Variants in KLF8 observed in about 807,000 individuals in gnomAD.
KLF8 encodes the protein KLF transcription factor 8.
KLF8 carries 10 observed loss-of-function variants against 18.2 expected under a neutral mutation model. That is an observed-to-expected ratio of 0.55 (90% CI 0.34 to 0.93). KLF8 has a LOEUF of 0.93. Among genes scored for constraint, KLF8 ranks in the 40% least tolerant of loss-of-function variants. The pLI is 0.02. For missense variants in KLF8, 264 were observed against 277.9 expected (o/e 0.95, Z 0.36); for synonymous variants, 109 against 97.3 (o/e 1.12, Z -0.71).
At chrX:55,975,656 C>A in the KLF8 span, among the ~76,000 whole-genome samples, 3 of 110,681 alleles carry the variant, frequency 2.7e-5, no homozygotes, top group Admixed American at 1.9e-4. Context: ...ATTTTAAAAC[C>A]GTTATTACCT....
chrX:56,017,781 C>A, the KLF8 span, among the ~76,000 whole-genome samples: 1 of 111,737 alleles, frequency 8.9e-6, no homozygotes, highest in East Asian at 2.8e-4. Flanking sequence ...GACATAAAGC[C>A]AAATGAAGAA....
At chrX:55,944,629 A>G in the KLF8 span, among the ~76,000 whole-genome samples, 5 of 111,368 alleles carry the variant, frequency 4.5e-5, no homozygotes, top group Admixed American at 2.9e-4. Context: ...AGAGGTGTTT[A>G]TATATTCCCT....
chrX:56,033,258 G>A, the KLF8 span, among the ~76,000 whole-genome samples: 1 of 111,435 alleles, frequency 9.0e-6, no homozygotes, highest in Non-Finnish European at 1.9e-5. Context: ...CAAAATAAAA[G>A]TGAGATTATT....
chrX:56,018,510 T>C, the KLF8 span, among the ~76,000 whole-genome samples: 1 of 111,599 alleles, frequency 9.0e-6, no homozygotes, highest in Non-Finnish European at 1.9e-5. Context: ...AAACTAGTCA[T>C]AGCAGCTGAA....
the KLF8 span, among the ~76,000 whole-genome samples, chrX:56,185,472 T>A: frequency 8.9e-6 from 1 of 111,800 alleles, no homozygotes; most frequent in Admixed American, 9.5e-5. Context: ...CCAGGAGAAC[T>A]TCCCCAATCT....
At chrX:56,197,439 A>T in the KLF8 span, among the ~76,000 whole-genome samples, 23 of 112,004 alleles carry the variant, frequency 2.1e-4, no homozygotes, top group Non-Finnish European at 2.8e-4. Flanking sequence ...ACAAACTACC[A>T]TCAGAGAATA....
At chrX:56,022,226 C>T in the KLF8 span, among the ~76,000 whole-genome samples, 1 of 110,684 alleles carries the variant, frequency 9.0e-6, no homozygotes, top group Non-Finnish European at 1.9e-5. Flanking sequence ...CAAAGGCTTG[C>T]AGAAATCCAT....
At chrX:55,987,275 G>T in the KLF8 span, among the ~76,000 whole-genome samples, 1 of 107,504 alleles carries the variant, frequency 9.3e-6, no homozygotes, top group Admixed American at 1.0e-4. Flanking sequence ...ATGTATACAT[G>T]TGCCATGTTG....
the KLF8 span, among the ~76,000 whole-genome samples, chrX:56,091,984 T>G: frequency 1.8e-5 from 2 of 108,641 alleles, no homozygotes; most frequent in Admixed American, 2.0e-4. Flanking sequence ...CTATTGTTTT[T>G]TTTTTTTTTT....
chrX:56,050,253 G>T, the KLF8 span, among the ~76,000 whole-genome samples: 3 of 111,213 alleles, frequency 2.7e-5, no homozygotes, highest in East Asian at 2.8e-4. Flanking sequence ...AGGGTTTTTT[G>T]TGTCTCTATT....
At chrX:55,947,091 G>T in the KLF8 span, among the ~76,000 whole-genome samples, 5 of 111,106 alleles carry the variant, frequency 4.5e-5, no homozygotes, top group Non-Finnish European at 9.4e-5. Context: ...ATTCCTCAGG[G>T]ATCTAGAACT....
At chrX:56,223,827 T>C in the KLF8 span, among the ~76,000 whole-genome samples, 1 of 112,883 alleles carries the variant, frequency 8.9e-6, no homozygotes, top group Non-Finnish European at 1.9e-5. Context: ...GACTCATCTC[T>C]AGGGAGAAAA....
chrX:56,079,121 GT>G, the KLF8 span, among the ~76,000 whole-genome samples: 2 of 110,837 alleles, frequency 1.8e-5, no homozygotes, highest in African/African-American at 3.3e-5. Context: ...TTTTTGAAGG[GT>G]TTTTTGTGTC....
At chrX:56,071,410 G>T in the KLF8 span, among the ~76,000 whole-genome samples, 1 of 110,652 alleles carries the variant, frequency 9.0e-6, no homozygotes, top group Non-Finnish European at 1.9e-5. Context: ...AATAATAGAA[G>T]GAATATAAAA....
chrX:56,061,589 T>C, the KLF8 span, among the ~76,000 whole-genome samples: 1 of 111,716 alleles, frequency 9.0e-6, no homozygotes. Flanking sequence ...TCCAATTATG[T>C]CATCAATTTT....
the KLF8 span, among the ~76,000 whole-genome samples, chrX:56,167,944 C>T: frequency 9.0e-6 from 1 of 111,529 alleles, no homozygotes; most frequent in Non-Finnish European, 1.9e-5. Context: ...ATTTTTAATG[C>T]TGAATTTTCA....
At chrX:56,108,491 T>C in the KLF8 span, among the ~76,000 whole-genome samples, 2 of 112,281 alleles carry the variant, frequency 1.8e-5, no homozygotes, top group Non-Finnish European at 3.8e-5. Flanking sequence ...TATGTGTATA[T>C]ATGTGGTATA....
the KLF8 span, among the ~76,000 whole-genome samples, chrX:56,106,673 A>T: frequency 1.1e-4 from 12 of 112,005 alleles, no homozygotes; most frequent in Non-Finnish European, 5.6e-5. Context: ...CCTTTAGCTC[A>T]TAGAAGTTTG....
chrX:56,158,658 A>T, the KLF8 span, among the ~76,000 whole-genome samples: 1 of 112,060 alleles, frequency 8.9e-6, no homozygotes, highest in Non-Finnish European at 1.9e-5. Flanking sequence ...AGCAATTGTG[A>T]ATGGGAGTTC....
Sources: gnomAD v4.1 joint callset for allele counts (sites outside exome capture counted in the v4.1 genomes callset) on GRCh38, gnomAD v4.1.1 for gene constraint, MANE v1.5 for transcripts, NCBI Gene and HGNC (gene_info 2026-07-23, HGNC 2026-07-21) for gene names.